Variants in FKBP5 observed in about 807,000 individuals in gnomAD.
FKBP5 encodes peptidyl-prolyl cis-trans isomerase FKBP5.
Under a neutral mutation model 50.5 loss-of-function variants are expected in FKBP5, and 23 were observed. The ratio of observed to expected loss-of-function variants is 0.46; its 90% CI spans 0.33 to 0.65. The LOEUF is 0.65. FKBP5 is among the 30% of genes least tolerant of loss of function. The pLI is 0.02. For missense variants in FKBP5, 411 were observed against 553.1 expected, an observed-to-expected ratio of 0.74 and a Z score of 2.58; for synonymous variants, 176 against 190.6, an observed-to-expected ratio of 0.92 and a Z score of 0.63.
At chr6:35,622,976 C>T (rs1285436885) in intron 3 of FKBP5, among the ~76,000 whole-genome samples, 1 of 152,234 alleles carries the variant, frequency 6.6e-6, no homozygotes, top group African/African-American at 2.4e-5. Context: ...GGCGTGGTGG[C>T]TCACGCCTGT....
chr6:35,682,222 C>T (rs1392193097), intron 1 of FKBP5, among the ~76,000 whole-genome samples: 2 of 152,164 alleles, frequency 1.3e-5, no homozygotes, highest in Non-Finnish European at 2.9e-5. Context: ...TATTGTCTTG[C>T]TTTTTTAAAA....
chr6:35,652,831 A>G (rs1447743792), intron 1 of FKBP5, among the ~76,000 whole-genome samples: 1 of 151,964 alleles, frequency 6.6e-6, no homozygotes, highest in Non-Finnish European at 1.5e-5. Context: ...CCTAATAAAA[A>G]CTTGCTGGTT....
At chr6:35,584,032 T>C in intron 8 of FKBP5, 2 of 985,442 alleles carry the variant, frequency 2.0e-6, no homozygotes, top group Non-Finnish European at 2.4e-6. Flanking sequence ...TTCAGTGTTC[T>C]TAGCCTTCTT....
chr6:35,623,997 G>A (rs1180317263), intron 3 of FKBP5, among the ~76,000 whole-genome samples: 1 of 151,512 alleles, frequency 6.6e-6, no homozygotes, highest in Non-Finnish European at 1.5e-5. Flanking sequence ...CATTGCATCA[G>A]CCCAGTTTTT....
At chr6:35,696,229 T>C (rs1219498418) in intron 2 of FKBP5, among the ~76,000 whole-genome samples, 2 of 148,550 alleles carry the variant, frequency 1.3e-5, no homozygotes, top group Non-Finnish European at 3.0e-5. Context: ...ATCTAAATAA[T>C]TGGAAAAACT....
intron 1 of FKBP5, among the ~76,000 whole-genome samples, chr6:35,688,077 G>A (rs990956453): frequency 3.3e-5 from 5 of 152,248 alleles, no homozygotes; most frequent in Non-Finnish European, 7.3e-5. Flanking sequence ...GTATGGCCTG[G>A]GAGTGACGCG....
At chr6:35,678,533 TTAAAC>T (rs1273739407) in intron 1 of FKBP5, among the ~76,000 whole-genome samples, 2 of 152,226 alleles carry the variant, frequency 1.3e-5, no homozygotes, top group Non-Finnish European at 2.9e-5. Flanking sequence ...TACGGAGTAC[TTAAAC>T]TAATTTATTC....
rs1293587179 is a variant in FKBP5, at chr6:35,703,408, C to CA, written c.-20+16919dup. The stretch of plus-strand genomic sequence containing the variant: ...TGGCCAACAGAACATGACTCCATCT[C>CA]AAAAAAAATAAAAATAAAAGTTAAA... On this transcript the variant is annotated intron_variant, in intron 2 of 11. Coordinates refer to the FKBP5 transcript ENST00000536438. 4.0e-5 allele frequency among the ~76,000 whole-genome samples: 6 copies of CA among 151,496 alleles called. No individual in the cohort carries two copies. In the East Asian group the frequency reaches 5.8e-4, roughly 15 times the overall value.
rs149584037 is a variant in FKBP5 at position 35,602,890 on chromosome 6, A to C, written c.509-5486T>G. 6.4e-4 allele frequency among the ~76,000 whole-genome samples: 98 copies of C among 152,290 alleles called. 1 individual carries two copies. The highest frequency in any genetic ancestry group is 2.3e-3 in the African/African-American group (96 of 41,566). On this transcript the variant is annotated intron_variant, in intron 5 of 10. Coordinates refer to ENST00000357266, the MANE Select transcript of FKBP5 (RefSeq NM_004117.4). ...TGTTTTCAAAACAGGAAATCTAAAC[A>C]AGAAGTATACACCCAGCAACAAATT... is the stretch of plus-strand genomic sequence containing the variant.
At chr6:35,707,250 C>T (rs1160075186) in intron 2 of FKBP5, among the ~76,000 whole-genome samples, 4 of 119,018 alleles carry the variant, frequency 3.4e-5, no homozygotes, top group African/African-American at 9.5e-5. Context: ...GAGTTTCACT[C>T]TTATTGCCCA....
At chr6:35,604,729 T>C (rs1763252521) in intron 5 of FKBP5, among the ~76,000 whole-genome samples, 2 of 152,344 alleles carry the variant, frequency 1.3e-5, no homozygotes, top group South Asian at 4.1e-4. Context: ...CTTTATCCCA[T>C]TCATATTTTT....
At chr6:35,655,561 A>G (rs1480722375) in intron 1 of FKBP5, among the ~76,000 whole-genome samples, 5 of 152,202 alleles carry the variant, frequency 3.3e-5, no homozygotes, top group Admixed American at 2.6e-4. Flanking sequence ...AATGTGTCCT[A>G]TTCATTTTGT....
chr6:35,712,883 T>C (rs927765432), intron 2 of FKBP5, among the ~76,000 whole-genome samples: 43 of 152,048 alleles, frequency 2.8e-4, no homozygotes, highest in African/African-American at 8.2e-4. Flanking sequence ...AGTTTTGCTT[T>C]CCTGTTCAGG....
At chr6:35,713,488 C>G (rs1335047972) in intron 2 of FKBP5, among the ~76,000 whole-genome samples, 1 of 152,214 alleles carries the variant, frequency 6.6e-6, no homozygotes, top group Non-Finnish European at 1.5e-5. Flanking sequence ...CACCCTTTGA[C>G]AGTTAAGGAA....
At chr6:35,581,787 A>AC in intron 8 of FKBP5, 6 of 985,506 alleles carry the variant, frequency 6.1e-6, no homozygotes, top group Non-Finnish European at 7.2e-6. Flanking sequence ...CAGATGGCAG[A>AC]GGAGCAGCCA....
intron 1 of FKBP5, among the ~76,000 whole-genome samples, chr6:35,681,497 T>C (rs1236543115): frequency 6.6e-6 from 1 of 152,206 alleles, no homozygotes; most frequent in African/African-American, 2.4e-5. Flanking sequence ...TGCCTGTTCT[T>C]GTATTTTTCA....
intron 5 of FKBP5, among the ~76,000 whole-genome samples, chr6:35,605,809 A>C (rs1160748017): frequency 6.6e-6 from 1 of 152,206 alleles, no homozygotes; most frequent in Non-Finnish European, 1.5e-5. Context: ...GAGCCACAGC[A>C]ATCAGTATGC....
At chr6:35,583,895 G>A (rs1459113320) in intron 8 of FKBP5, 2 of 985,252 alleles carry the variant, frequency 2.0e-6, no homozygotes, top group African/African-American at 3.5e-5. Context: ...AGCAAGGGTG[G>A]TGAAAATATA....
chr6:35,609,962 C>T (rs573315901), intron 5 of FKBP5, among the ~76,000 whole-genome samples: 3 of 152,048 alleles, frequency 2.0e-5, no homozygotes, highest in East Asian at 1.9e-4. Context: ...CTGCTTTTTT[C>T]GTGATATTTG....
Sources: allele counts gnomAD v4.1 joint callset (sites outside exome capture counted in the v4.1 genomes callset), GRCh38; gene constraint gnomAD v4.1.1; transcripts MANE v1.5; gene names NCBI Gene and HGNC (gene_info 2026-07-23, HGNC 2026-07-21).